Variants in NRP2 observed in about 807,000 individuals in gnomAD.
The protein encoded by NRP2 is neuropilin-2.
NRP2 carries 52 observed loss-of-function variants against 110.4 expected under a neutral mutation model. The observed-to-expected ratio is 0.47, with a 90% CI of 0.38 to 0.59. The LOEUF (loss-of-function observed/expected upper bound fraction) is 0.59. Ranked by LOEUF, NRP2 falls within the 20% of genes least tolerant of loss-of-function variation. The pLI is 0.00. For missense variants in NRP2, 1,049 were observed against 1,203.0 expected, an observed-to-expected ratio of 0.87 and a Z score of 1.89; for synonymous variants, 508 against 468.9, an observed-to-expected ratio of 1.08 and a Z score of -1.08.
intron 12 of NRP2, chr2:205,756,379 A>G (rs2057735210): frequency 6.6e-6 from 1 of 152,220 alleles, no homozygotes; most frequent in South Asian, 2.1e-4. Context: ...GAACATAGAC[A>G]GAGTTTTGAG....
At chr2:205,696,311 G>A (rs1477073699) in intron 1 of NRP2, among the ~76,000 whole-genome samples, 2 of 152,150 alleles carry the variant, frequency 1.3e-5, no homozygotes, top group African/African-American at 2.4e-5. Flanking sequence ...GTGAACACAG[G>A]AGAAAGACCC....
At chr2:205,722,755 T>C (rs985141954) in intron 4 of NRP2, 47 bp downstream of exon 4, 10 of 1,476,504 alleles carry the variant, frequency 6.8e-6, no homozygotes, top group Non-Finnish European at 8.5e-6. Context: ...CCTTTGCCTG[T>C]TAATTGCTTT....
intron 15 of NRP2, chr2:205,767,883 G>A (rs1250963077): frequency 6.5e-6 from 1 of 154,416 alleles, no homozygotes; most frequent in Non-Finnish European, 1.4e-5. Context: ...ACCCCTACAA[G>A]TGGCAGCATT....
intron 12 of NRP2, among the ~76,000 whole-genome samples, chr2:205,755,120 G>A (rs185575078): frequency 2.0e-5 from 3 of 152,154 alleles, no homozygotes; most frequent in Non-Finnish European, 4.4e-5. Context: ...CCTCCTCCTC[G>A]TCCAGTCCTG....
intron 1 of NRP2, among the ~76,000 whole-genome samples, chr2:205,688,826 T>C (rs3732089): frequency 2.0e-5 from 3 of 150,076 alleles, no homozygotes; most frequent in Non-Finnish European, 4.4e-5. Context: ...AGGAGAGAAA[T>C]AGGAGTTGGC....
At chr2:205,720,626 C>T (rs1559324985) in intron 3 of NRP2, among the ~76,000 whole-genome samples, 2 of 152,192 alleles carry the variant, frequency 1.3e-5, no homozygotes, top group Admixed American at 6.5e-5. Context: ...AGCTGAGTGG[C>T]CCGCATGAAG....
intron 1 of NRP2, among the ~76,000 whole-genome samples, chr2:205,684,283 T>C (rs2056091410): frequency 6.6e-6 from 1 of 152,126 alleles, no homozygotes; most frequent in African/African-American, 2.4e-5. Context: ...CGGACCACTC[T>C]CTAGAGTGAG....
At position 205,723,956 on chromosome 2, in the gene NRP2, G is replaced by A; in HGVS notation, c.820+16G>A. The A allele has an allele frequency of 6.2e-7, 1 of 1,613,874 alleles. No individual in the cohort carries two copies. The highest frequency in any genetic ancestry group is 2.2e-5 in the East Asian group (1 of 44,862). On this transcript the variant is annotated intron_variant, in intron 5 of 16. Transcript: ENST00000357785. ...CCACTAGAGAGTGAGTTGGCCGATT[G>A]GGAACCTCTGTCCTGTCCTTCCGTC... is the stretch of plus-strand genomic sequence containing the variant.
At chr2:205,705,192 A>AG (rs1055012370) in intron 2 of NRP2, among the ~76,000 whole-genome samples, 2 of 151,682 alleles carry the variant, frequency 1.3e-5, no homozygotes, top group African/African-American at 4.8e-5. Context: ...AGAAAAAAAA[A>AG]AAAAAGATAT....
chr2:205,746,627 G>A (rs969239877), intron 10 of NRP2, among the ~76,000 whole-genome samples: 2 of 152,302 alleles, frequency 1.3e-5, no homozygotes, highest in African/African-American at 4.8e-5. Flanking sequence ...AAAGGAGTTT[G>A]TGGGAGCCAC....
In NRP2 at chr2:205,683,216, TA is replaced by T. The variant is rs1559298874; in HGVS notation, c.-71del. On this transcript the variant is annotated 5_prime_UTR_variant, in exon 1 of 17. Coordinates refer to ENST00000357785, the MANE Select transcript of NRP2 (RefSeq NM_003872.3). ...GCATAAGACGTTGTAAGGAGGAAAA[TA>T]AAAGAGAGAAAAACACAAAGATTTA... 8.9e-7 allele frequency: 1 copy of T among 1,126,334 alleles called. No individual in the cohort carries two copies. The highest frequency in any genetic ancestry group is 1.3e-6 in the Non-Finnish European group (1 of 749,716). The allele number at this position is 1,126,334 out of a possible 1,614,324, so 69.8% of individuals were successfully genotyped here. A position where few individuals can be genotyped will look rare whatever the true frequency, so the allele number is the denominator to read the frequency against.
chr2:205,713,282 T>C (rs2056833572), intron 2 of NRP2, among the ~76,000 whole-genome samples: 1 of 152,234 alleles, frequency 6.6e-6, no homozygotes, highest in Admixed American at 6.5e-5. Context: ...AGACTGGAAC[T>C]ATCTGGTGAA....
At chr2:205,764,211 G>A (rs1400741283) in intron 13 of NRP2, 1 of 477,436 alleles carries the variant, frequency 2.1e-6, no homozygotes, top group African/African-American at 2.0e-5. Flanking sequence ...CTATCAGGTA[G>A]GCTGACAAAG....
chr2:205,764,433 G>C (rs1463989350), intron 13 of NRP2: 1 of 173,066 alleles, frequency 5.8e-6, no homozygotes, highest in African/African-American at 2.4e-5. Flanking sequence ...TCTCTCACCA[G>C]CTCCCGGAAT....
intron 12 of NRP2, among the ~76,000 whole-genome samples, chr2:205,758,859 C>T (rs2057776160): frequency 6.6e-6 from 1 of 152,172 alleles, no homozygotes; most frequent in Non-Finnish European, 1.5e-5. Context: ...CACGTTCAGG[C>T]GACCTCTTGA....
Position 205,683,326 on chromosome 2 carries a change from C to CTTT in NRP2, c.36_37insTTT (p.Ala12_Leu13insPhe). 6.2e-7 allele frequency: 1 copy of CTTT among 1,614,004 alleles called. No individual in the cohort carries two copies. The highest frequency in any genetic ancestry group is 8.5e-7 in the Non-Finnish European group (1 of 1,179,894). On this transcript the variant is annotated inframe_insertion, in exon 1 of 17. Transcript: ENST00000357785. Reference sequence around the variant, plus strand: ...TTCCTCTCACCTGGGTTTTCTTAGCCCTCTACTTTTCAAGACACCAAGTGA... The same window carrying CTTT: ...TTCCTCTCACCTGGGTTTTCTTAGCCTTTCTCTACTTTTCAAGACACCAAGTGA...
chr2:205,708,001 G>A (rs577945952), intron 2 of NRP2, among the ~76,000 whole-genome samples: 7 of 152,204 alleles, frequency 4.6e-5, no homozygotes, highest in African/African-American at 1.2e-4. Context: ...CCAGGCCAGC[G>A]TAGGAAAATT....
chr2:205,776,760 T>C, intron 15 of NRP2: 2 of 1,439,714 alleles, frequency 1.4e-6, no homozygotes, highest in Admixed American at 2.4e-5. Context: ...CCAACTCTAA[T>C]GCTGCATCTT....
chr2:205,724,477 G>T lies in NRP2; in HGVS notation c.820+537G>T, dbSNP rs542553800. Among the ~76,000 whole-genome samples, 8 of 152,192 alleles carry T rather than the reference G, an allele frequency of 5.3e-5. No homozygotes were observed. The East Asian group carries it at 1.5e-3, about 29-fold the overall frequency. ...GGACTTCACCCTTCCACCAAAGATA[G>T]TTTGTGGAGCTTCTAGTATGTGCCA... On this transcript the variant is annotated intron_variant, in intron 5 of 16. Transcript: ENST00000357785.
Sources: gnomAD v4.1 joint callset for allele counts (sites outside exome capture counted in the v4.1 genomes callset) on GRCh38, gnomAD v4.1.1 for gene constraint, MANE v1.5 for transcripts, NCBI Gene and HGNC (gene_info 2026-07-23, HGNC 2026-07-21) for gene names.